Variants in NTM observed in about 807,000 individuals in gnomAD.
The protein encoded by NTM is IgLON family member 2.
Under a neutral mutation model 42.1 loss-of-function variants are expected in NTM, and 13 were observed. That is an observed-to-expected ratio of 0.31 (90% CI 0.20 to 0.49). The LOEUF (loss-of-function observed/expected upper bound fraction) is 0.49. NTM is among the 20% of genes least tolerant of loss of function. The pLI is 0.99. For synonymous variants in NTM, 187 were observed against 179.2 expected (o/e 1.04, Z -0.35); for missense variants, 373 against 452.8 (o/e 0.82, Z 1.60).
At chr11:131,950,340 T>A (rs916136162) in intron 2 of NTM, among the ~76,000 whole-genome samples, 1 of 152,172 alleles carries the variant, frequency 6.6e-6, no homozygotes, top group Non-Finnish European at 1.5e-5. Context: ...CCTTGCCTGG[T>A]TTTCTGGGCA....
chr11:131,791,679 C>T (rs1187469527), intron 1 of NTM, among the ~76,000 whole-genome samples: 1 of 152,180 alleles, frequency 6.6e-6, no homozygotes, highest in Non-Finnish European at 1.5e-5. Flanking sequence ...TCATGTAACA[C>T]AGAATATCTG....
chr11:132,232,196 T>C (rs2087733821), intron 4 of NTM, among the ~76,000 whole-genome samples: 1 of 152,064 alleles, frequency 6.6e-6, no homozygotes, highest in Non-Finnish European at 1.5e-5. Context: ...ACTATAAACT[T>C]CCCACTGTGC....
chr11:131,375,184 C>T (rs983687810), intron 1 of NTM, among the ~76,000 whole-genome samples: 1 of 152,114 alleles, frequency 6.6e-6, no homozygotes, highest in African/African-American at 2.4e-5. Context: ...AAATCTCTCC[C>T]TCTGCGGGCC....
chr11:131,501,602 T>C (rs537710496), intron 1 of NTM, among the ~76,000 whole-genome samples: 41 of 152,284 alleles, frequency 2.7e-4, no homozygotes, highest in African/African-American at 9.6e-4. Context: ...GGCTGCTTTT[T>C]AGAGAGACCA....
At chr11:131,611,377 T>C (rs923720711) in intron 1 of NTM, among the ~76,000 whole-genome samples, 20 of 152,214 alleles carry the variant, frequency 1.3e-4, no homozygotes, top group African/African-American at 4.6e-4. Flanking sequence ...AATTCCTGGC[T>C]CCTGCATGTA....
chr11:132,082,377 G>A (rs954533757), intron 2 of NTM, among the ~76,000 whole-genome samples: 5 of 152,152 alleles, frequency 3.3e-5, no homozygotes, highest in African/African-American at 1.2e-4. Flanking sequence ...AGTTGAAGAG[G>A]CAAGGCTCCT....
chr11:132,089,050 T>C (rs1195200340), intron 2 of NTM, among the ~76,000 whole-genome samples: 2 of 152,210 alleles, frequency 1.3e-5, no homozygotes, highest in African/African-American at 4.8e-5. Flanking sequence ...AGGAGTGTTG[T>C]AGCAGTAGAG....
At chr11:131,610,439 T>C (rs2061375560) in intron 1 of NTM, among the ~76,000 whole-genome samples, 2 of 151,984 alleles carry the variant, frequency 1.3e-5, no homozygotes, top group Non-Finnish European at 2.9e-5. Context: ...AAGTGCAGAA[T>C]TCTTCTCCTA....
At chr11:131,387,106 A>C (rs1943413334) in intron 1 of NTM, among the ~76,000 whole-genome samples, 1 of 152,108 alleles carries the variant, frequency 6.6e-6, no homozygotes, top group Non-Finnish European at 1.5e-5. Context: ...TATTTTCACC[A>C]TCTTTCAAAT....
At chr11:132,149,826 A>T (rs571099677) in intron 3 of NTM, among the ~76,000 whole-genome samples, 1 of 152,300 alleles carries the variant, frequency 6.6e-6, no homozygotes, top group South Asian at 2.1e-4. Flanking sequence ...AAGAGAACTG[A>T]GCCAAGTAGC....
At chr11:132,140,665 G>A (rs545330930) in intron 2 of NTM, among the ~76,000 whole-genome samples, 66 of 152,336 alleles carry the variant, frequency 4.3e-4, no homozygotes, top group African/African-American at 1.5e-3. Context: ...AATGTTCAGT[G>A]TCTTCGTGGG....
At chr11:131,611,659 A>C (rs146846564) in intron 1 of NTM, among the ~76,000 whole-genome samples, 273 of 152,344 alleles carry the variant, frequency 1.8e-3, no homozygotes, top group Middle Eastern at 6.8e-3. Flanking sequence ...CTGCAGCTAG[A>C]AGCAGAACGG....
At chr11:131,922,718 T>C (rs2057402336) in intron 2 of NTM, among the ~76,000 whole-genome samples, 1 of 152,216 alleles carries the variant, frequency 6.6e-6, no homozygotes, top group Non-Finnish European at 1.5e-5. Flanking sequence ...CCTGTTCCCC[T>C]GGAGTTTATT....
In NTM at chr11:131,758,581, T is replaced by TTTTC. The variant is rs565739633; in HGVS notation, c.83-152967_83-152964dup. 5.0e-4 allele frequency among the ~76,000 whole-genome samples: 76 copies of TTTTC among 151,962 alleles called. 1 individual carries two copies. In the East Asian group the frequency reaches 0.013, roughly 25 times the overall value. On this transcript the variant is annotated intron_variant, in intron 1 of 8. Transcript: ENST00000683400. ...CTTTCTTTCCTTCCTTCCTTCCTTT[T>TTTTC]TTTCTTTCTTTCTTTCTTTTCTTTC...
chr11:132,313,518 C>T (rs968339942), intron 6 of NTM, among the ~76,000 whole-genome samples: 2 of 152,148 alleles, frequency 1.3e-5, no homozygotes, highest in Admixed American at 1.3e-4. Context: ...GAATCAGCTT[C>T]AGGGCAAGGA....
chr11:131,893,358 G>A (rs920353973), intron 1 of NTM, among the ~76,000 whole-genome samples: 9 of 152,158 alleles, frequency 5.9e-5, no homozygotes, highest in South Asian at 4.1e-4. Flanking sequence ...AAAATGATTC[G>A]GAGTTGCTTT....
intron 4 of NTM, among the ~76,000 whole-genome samples, chr11:132,264,784 C>T (rs547243477): frequency 3.9e-5 from 6 of 152,300 alleles, no homozygotes; most frequent in African/African-American, 1.2e-4. Flanking sequence ...CCAGGCCTTG[C>T]AATGTTTCCG....
intron 3 of NTM, among the ~76,000 whole-genome samples, chr11:132,173,201 A>G (rs1027753000): frequency 1.3e-5 from 2 of 152,258 alleles, no homozygotes; most frequent in African/African-American, 4.8e-5. Flanking sequence ...AATAATTATT[A>G]TAGTCACTCC....
At chr11:131,388,095 T>G (rs912509892) in intron 1 of NTM, among the ~76,000 whole-genome samples, 2 of 152,184 alleles carry the variant, frequency 1.3e-5, no homozygotes, top group African/African-American at 2.4e-5. Context: ...GAGCTCTTTC[T>G]GGAAGGGCCA....
Sources: gnomAD v4.1 joint callset for allele counts (sites outside exome capture counted in the v4.1 genomes callset) on GRCh38, gnomAD v4.1.1 for gene constraint, MANE v1.5 for transcripts, NCBI Gene and HGNC (gene_info 2026-07-23, HGNC 2026-07-21) for gene names.